CFAP52: variants seen among roughly 807,000 people sequenced by gnomAD.
CFAP52 encodes cilia- and flagella-associated protein 52.
In CFAP52, 57 loss-of-function variants were observed where a neutral mutation model predicts 70.5. That is an observed-to-expected ratio of 0.81 (90% confidence interval 0.65 to 1.01). CFAP52 has a LOEUF of 1.01. CFAP52 is among the 50% of genes least tolerant of loss of function. CFAP52 has a pLI of 0.00. For missense variants in CFAP52, 785 were observed against 788.5 expected (o/e 1.00, Z 0.05); for synonymous variants, 267 against 292.5 (o/e 0.91, Z 0.89).
intron 8 of CFAP52, among the ~76,000 whole-genome samples, chr17:9,624,873 T>A (rs1302603223): frequency 6.6e-6 from 1 of 152,158 alleles, no homozygotes; most frequent in African/African-American, 2.4e-5. Context: ...TCTCATGACT[T>A]CCCACTGCTG....
intron 7 of CFAP52, among the ~76,000 whole-genome samples, chr17:9,611,064 T>A (rs1473965242): frequency 1.3e-5 from 2 of 152,204 alleles, no homozygotes; most frequent in African/African-American, 4.8e-5. Flanking sequence ...GTGCAAGAAC[T>A]GAGGTTTAAC....
intron 7 of CFAP52, among the ~76,000 whole-genome samples, chr17:9,611,038 C>G (rs1909693614): frequency 6.6e-6 from 1 of 152,226 alleles, no homozygotes. Flanking sequence ...TGTCCAGAGT[C>G]ACAAACCTCT....
In CFAP52 at chr17:9,585,972, G is replaced by C. The variant is rs1410360958; in HGVS notation, c.270G>C (p.Lys90Asn). 1 of 1,613,430 alleles carries C rather than the reference G, an allele frequency of 6.2e-7. No individual in the cohort carries two copies. The highest frequency in any genetic ancestry group is 2.2e-5 in the East Asian group (1 of 44,862). ...ASGQVTFMGF[K>N]ADIILWDYKN... ...GACAAGTCACATTCATGGGGTTCAA[G>C]GTGAATACAGTGAAAACGACTCATT... is the stretch of plus-strand genomic sequence containing the variant. Residue 90 changes from lysine to asparagine, a missense_variant and splice_region_variant, in exon 2 of 14, where the codon AAG becomes AAC. Physicochemically the swap from Lys to Asn is moderately conservative, Grantham distance 94 (BLOSUM62 0). Coordinates refer to ENST00000352665, the MANE Select transcript of CFAP52 (RefSeq NM_145054.5).
intron 3 of CFAP52, among the ~76,000 whole-genome samples, chr17:9,593,169 T>C (rs1234875355): frequency 3.3e-5 from 5 of 152,206 alleles, no homozygotes; most frequent in Non-Finnish European, 7.3e-5. Flanking sequence ...TCTTTTTCTT[T>C]AAACACCTTG....
At chr17:9,628,585 T>C (rs1910326921) in intron 8 of CFAP52, 87 bp from the exon 9 acceptor site, 3 of 1,526,730 alleles carry the variant, frequency 2.0e-6, no homozygotes, top group Admixed American at 2.0e-5. Flanking sequence ...CCTTTTCCTA[T>C]ATTTTTGTGA....
intron 6 of CFAP52, among the ~76,000 whole-genome samples, chr17:9,605,995 G>A (rs938479992): frequency 6.6e-6 from 1 of 152,016 alleles, no homozygotes; most frequent in African/African-American, 2.4e-5. Flanking sequence ...CTTTAACTGT[G>A]GGGGAAAGAA....
intron 11 of CFAP52, among the ~76,000 whole-genome samples, chr17:9,636,179 A>AAAGAAAGAAAGAAAG (rs1375570957): frequency 1.0e-5 from 1 of 99,122 alleles, no homozygotes; most frequent in Non-Finnish European, 1.9e-5. Context: ...TGTCTCAAAA[A>AAAGAAAGAAAGAAAG]AAAGAAAGAA....
At chr17:9,634,001 G>A (rs571009052) in intron 10 of CFAP52, among the ~76,000 whole-genome samples, 1 of 152,216 alleles carries the variant, frequency 6.6e-6, no homozygotes, top group South Asian at 2.1e-4. Context: ...TTTAAAGCAG[G>A]TGATGGTTTT....
In CFAP52 at chr17:9,643,157, G is replaced by A. The variant is rs370231741; in HGVS notation, c.1822G>A (p.Asp608Asn). The change falls in exon 14 of 14, where the codon GAT (aspartate) becomes AAT (asparagine). Residue 608 changes from aspartate (D) to asparagine (N), a missense_variant. By Grantham distance (23) the Asp-to-Asn change is conservative. Transcript: ENST00000352665. The part of the protein sequence containing the change: ...GNQYIVSVSA[D>N]GAILRWKYPY... ...TCAATATATTGTTAGTGTAAGTGCCGATGGAGCCATTTTGCGATGGAAGTA... is the reference window on the plus strand; with the variant it reads ...TCAATATATTGTTAGTGTAAGTGCCAATGGAGCCATTTTGCGATGGAAGTA... The A allele has an allele frequency of 7.4e-6, 12 of 1,612,484 alleles. No homozygotes were observed. The African/African-American group carries it at 1.3e-4, about 18-fold the overall frequency.
intron 9 of CFAP52, among the ~76,000 whole-genome samples, chr17:9,631,068 A>G (rs56665510): frequency 0.01 from 1,080 of 105,872 alleles, 45 homozygotes; most frequent in East Asian, 0.04. Flanking sequence ...GAAAGAAAGA[A>G]AGAAAGAAAG....
At chr17:9,603,002 C>G (rs577555141) in intron 6 of CFAP52, among the ~76,000 whole-genome samples, 1 of 152,286 alleles carries the variant, frequency 6.6e-6, no homozygotes, top group Admixed American at 6.5e-5. Flanking sequence ...GAGAGCAAGT[C>G]TTAGAGCCCT....
intron 1 of CFAP52, among the ~76,000 whole-genome samples, chr17:9,581,043 G>A (rs908971852): frequency 2.0e-5 from 3 of 152,216 alleles, no homozygotes; most frequent in African/African-American, 7.2e-5. Flanking sequence ...GTGGCCAGGC[G>A]TGGTGGCTCA....
At chr17:9,631,056 A>AGAGAGAGAGAGAGAGAGAGAG (rs1229380118) in intron 9 of CFAP52, among the ~76,000 whole-genome samples, 4 of 70,872 alleles carry the variant, frequency 5.6e-5, no homozygotes, top group African/African-American at 1.4e-4. Context: ...GAGAGAGAGA[A>AGAGAGAGAGAGAGAGAGAGAG]AGAAAGAAAG....
intron 10 of CFAP52, 127 bp downstream of exon 10, chr17:9,633,160 G>A (rs776412886): frequency 8.1e-6 from 9 of 1,104,316 alleles, no homozygotes; most frequent in Non-Finnish European, 1.1e-5. Context: ...TTGACATTTT[G>A]ATGAGATCTG....
intron 3 of CFAP52, among the ~76,000 whole-genome samples, chr17:9,591,267 A>G (rs1002421008): frequency 6.6e-6 from 1 of 151,718 alleles, no homozygotes; most frequent in Non-Finnish European, 1.5e-5. Context: ...CGAACTCCCA[A>G]CCTCAGGTGA....
At chr17:9,611,690 A>T (rs1250877086) in intron 7 of CFAP52, among the ~76,000 whole-genome samples, 2 of 152,156 alleles carry the variant, frequency 1.3e-5, no homozygotes, top group Non-Finnish European at 2.9e-5. Flanking sequence ...TTATAAATAA[A>T]ATGTTGTATT....
intron 2 of CFAP52, 94 bp from the exon 3 acceptor site, chr17:9,586,604 G>A (rs1292191709): frequency 2.1e-5 from 27 of 1,299,444 alleles, no homozygotes; most frequent in Admixed American, 5.3e-5. Flanking sequence ...AAAGAAAAGT[G>A]ACAGTACTAA....
rs186062128 is a variant in CFAP52, at chr17:9,582,477, C to A, written c.71-3296C>A. ...TCAGCATAAACTGGCTATCCATATCCTTTGCTCATTTTTCTATTGAGAAGC... is the reference window on the plus strand; with the variant it reads ...TCAGCATAAACTGGCTATCCATATCATTTGCTCATTTTTCTATTGAGAAGC... On this transcript the variant is annotated intron_variant, in intron 1 of 13. Coordinates refer to ENST00000352665, the MANE Select transcript of CFAP52 (RefSeq NM_145054.5). Among the ~76,000 whole-genome samples, 42 of 152,264 alleles carry A rather than the reference C, an allele frequency of 2.8e-4. 1 individual carries two copies. Among genetic ancestry groups the A allele is most frequent in the Admixed American group, 2.7e-3 (42 of 15,294 alleles).
chr17:9,583,244 C>T (rs1908305131), intron 1 of CFAP52, among the ~76,000 whole-genome samples: 1 of 151,850 alleles, frequency 6.6e-6, no homozygotes, highest in African/African-American at 2.4e-5. Context: ...ATTATAAGAA[C>T]ATACTGCATA....
Sources: gnomAD v4.1 joint callset for allele counts (sites outside exome capture counted in the v4.1 genomes callset) on GRCh38, gnomAD v4.1.1 for gene constraint, MANE v1.5 for transcripts, NCBI Gene and HGNC (gene_info 2026-07-23, HGNC 2026-07-21) for gene names.